CACNA1B: variants seen among roughly 807,000 people sequenced by gnomAD.
CACNA1B encodes the protein calcium voltage-gated channel subunit alpha1 B.
Under a neutral mutation model 247.2 loss-of-function variants are expected in CACNA1B, and 70 were observed. The observed-to-expected ratio is 0.28, with a 90% CI of 0.23 to 0.35. The LOEUF (loss-of-function observed/expected upper bound fraction) is 0.35. Ranked by LOEUF, CACNA1B falls within the 10% of genes least tolerant of loss-of-function variation. The probability of loss-of-function intolerance (pLI) is 1.00; values close to 1 mark genes in which losing one functional copy is unlikely to be tolerated. For synonymous variants in CACNA1B, 1,231 were observed against 1,294.4 expected (o/e 0.95, Z 1.05); for missense variants, 2,367 against 3,197.4 (o/e 0.74, Z 6.26).
chr9:138,024,862 G>A (rs1296832669), intron 19 of CACNA1B, 93 bp from the exon 20 acceptor site: 1 of 864,792 alleles, frequency 1.2e-6, no homozygotes, highest in African/African-American at 1.7e-5. Context: ...TTGAACTCCT[G>A]GGCTCAAGTG....
intron 40 of CACNA1B, 85 bp from the exon 41 acceptor site, chr9:138,114,293 C>T: frequency 1.4e-6 from 1 of 703,048 alleles, no homozygotes. Context: ...GGAGGGGCGG[C>T]TGTTTCCTCA....
intron 31 of CACNA1B, 105 bp from the exon 32 acceptor site, chr9:138,069,653 A>G: frequency 1.2e-6 from 1 of 820,292 alleles, no homozygotes; most frequent in Admixed American, 1.9e-5. Context: ...CCAACATACA[A>G]TGCGAAAACC....
In CACNA1B at chr9:138,050,077, G is replaced by A. The variant is rs1217809177; in HGVS notation, c.3710+762G>A. The A allele has an allele frequency of 1.2e-5, 16 of 1,289,660 alleles. No homozygotes were observed. Among genetic ancestry groups the A allele is most frequent in the Non-Finnish European group, 1.4e-5 (14 of 988,702 alleles). The allele number at this position is 1,289,660 out of a possible 1,614,324, so 79.9% of individuals were successfully genotyped here. A position where few individuals can be genotyped will look rare whatever the true frequency, so the allele number is the denominator to read the frequency against. ...CTTCCTCTTGCTGGACTCGGCAGGAGCTTCGTGGGGTAATGCCTTCTCTCC... is the reference window on the plus strand; with the variant it reads ...CTTCCTCTTGCTGGACTCGGCAGGAACTTCGTGGGGTAATGCCTTCTCTCC... On this transcript the variant is annotated intron_variant, in intron 24 of 46. Transcript: ENST00000371372. The surrounding 1 kb of genome is among the most constrained non-coding windows in gnomAD (Gnocchi z 5.2).
intron 32 of CACNA1B, among the ~76,000 whole-genome samples, chr9:138,071,607 G>A (rs974893383): frequency 6.6e-6 from 1 of 152,210 alleles, no homozygotes; most frequent in Non-Finnish European, 1.5e-5. Flanking sequence ...GAGAAGCCAG[G>A]AGGAAGGGGG....
Position 138,121,399 on chromosome 9 carries a change from CTCTG to C in CACNA1B, c.6490-64_6490-61del, listed in dbSNP as rs1157180381. On this transcript the variant is annotated intron_variant, in intron 46 of 46. Coordinates refer to ENST00000371372, the MANE Select transcript of CACNA1B (RefSeq NM_000718.4). The surrounding 1 kb of genome is among the most constrained non-coding windows in gnomAD (Gnocchi z 6.8). ...CCCCCAGGCACCTGTGTGTGATGTGCTCTGTCTGTTGGTTCGGCTTTTTTTTTTT... is the reference window on the plus strand; with the variant it reads ...CCCCCAGGCACCTGTGTGTGATGTGCTCTGTTGGTTCGGCTTTTTTTTTTT... 5.6e-6 allele frequency: 7 copies of C among 1,244,500 alleles called. No individual in the cohort carries two copies. The African/African-American group carries it at 7.6e-5, about 13-fold the overall frequency. The allele number at this position is 1,244,500 out of a possible 1,614,324, so 77.1% of individuals were successfully genotyped here. A position where few individuals can be genotyped will look rare whatever the true frequency, so the allele number is the denominator to read the frequency against.
intron 10 of CACNA1B, among the ~76,000 whole-genome samples, chr9:137,962,263 TCTCTC>T (rs959367645): frequency 6.6e-6 from 1 of 152,000 alleles, no homozygotes; most frequent in Non-Finnish European, 1.5e-5. Context: ...ATTTGAATCT[TCTCTC>T]TTCTCTTTTT....
intron 40 of CACNA1B, among the ~76,000 whole-genome samples, chr9:138,113,416 G>C (rs1961731235): frequency 6.6e-6 from 1 of 150,788 alleles, no homozygotes. Flanking sequence ...GGATACGTGA[G>C]GGAACACAAT....
chr9:138,068,535 G>A (rs966892446), intron 31 of CACNA1B: 3 of 512,890 alleles, frequency 5.8e-6, no homozygotes, highest in Non-Finnish European at 1.2e-5. Context: ...TCGCCCGGAA[G>A]CATTTAGTCC....
chr9:138,120,703 G>C lies in CACNA1B; in HGVS notation c.6311G>C (p.Arg2104Pro), dbSNP rs752741268. The C allele has an allele frequency of 6.6e-7, 1 of 1,520,548 alleles. No homozygotes were observed. The highest frequency in any genetic ancestry group is 1.3e-5 in the South Asian group (1 of 79,678). 94.2% of individuals were successfully genotyped at this position (1,520,548 alleles called of 1,614,324 possible). ...GPTGCRRERERRQERGRSQER... is the reference protein window; with the variant it reads ...GPTGCRREREPRQERGRSQER... ...ACAGGCTGCCGGCGGGAACGAGAGC[G>C]CCGGCAGGAGCGGGGCCGGTCCCAG... is the stretch of plus-strand genomic sequence containing the variant. Residue 2104 changes from arginine (R) to proline (P), a missense_variant, in exon 46 of 47, where the codon CGC (arginine) becomes CCC (proline). By Grantham distance (103) the Arg-to-Pro change is moderately radical. Coordinates refer to ENST00000371372, the MANE Select transcript of CACNA1B (RefSeq NM_000718.4).
chr9:137,955,607 C>T lies in CACNA1B; in HGVS notation c.1071-91C>T. 1 of 863,248 alleles carries T rather than the reference C, an allele frequency of 1.2e-6. No individual in the cohort carries two copies. Among genetic ancestry groups the T allele is most frequent in the East Asian group, 2.7e-5 (1 of 37,568 alleles). The allele number at this position is 863,248 out of a possible 1,614,324, so 53.5% of individuals were successfully genotyped here. On this transcript the variant is annotated intron_variant, in intron 7 of 46. Transcript: ENST00000371372. The surrounding 1 kb of genome is among the most constrained non-coding windows in gnomAD (Gnocchi z 6.9). ...AGCCTGCAGCCTGCGTCTCCTGTCC[C>T]AGGCTTTCCCTGGTCCTTTTTGTCT...
At position 137,952,523 on chromosome 9, in the gene CACNA1B, C is replaced by T. The variant is rs948883514; in HGVS notation, c.1070+146C>T. The stretch of plus-strand genomic sequence containing the variant: ...CCCCTGGTGTTCTGGGTTCTGGTAG[C>T]CCTTCCTTTGTGCCACCATCCTGAC... On this transcript the variant is annotated intron_variant, in intron 7 of 46. Coordinates refer to ENST00000371372, the MANE Select transcript of CACNA1B (RefSeq NM_000718.4). The surrounding 1 kb of genome is among the most constrained non-coding windows in gnomAD (Gnocchi z 4.8). 7 of 676,178 alleles carry T rather than the reference C, an allele frequency of 1.0e-5. No individual in the cohort carries two copies. In the African/African-American group the frequency reaches 1.1e-4, roughly 10 times the overall value. The allele number at this position is 676,178 out of a possible 1,614,324, so 41.9% of individuals were successfully genotyped here.
chr9:137,979,666 C>G (rs924913890), intron 12 of CACNA1B, among the ~76,000 whole-genome samples: 1 of 152,172 alleles, frequency 6.6e-6, no homozygotes, highest in Non-Finnish European at 1.5e-5. Context: ...TGTAAAACAC[C>G]TTCACCCTGC....
At position 138,073,421 on chromosome 9, in the gene CACNA1B, G is replaced by T. The variant is rs1226063466; in HGVS notation, c.4675-67G>T. 2.2e-5 allele frequency: 20 copies of T among 896,404 alleles called. No homozygotes were observed. The highest frequency in any genetic ancestry group is 3.5e-5 in the Admixed American group (2 of 57,848). The allele number at this position is 896,404 out of a possible 1,614,324, so 55.5% of individuals were successfully genotyped here. On this transcript the variant is annotated intron_variant, in intron 32 of 46. Coordinates refer to ENST00000371372, the MANE Select transcript of CACNA1B (RefSeq NM_000718.4). This position sits in a 1 kb window ranked among gnomAD's most constrained non-coding sequence, Gnocchi z 6.4. The stretch of plus-strand genomic sequence containing the variant: ...ACAGGGATGTGGGAAGAGGTTGTAG[G>T]GTGGCAGCAGCTTGCCTGCGCTTTC...
chr9:138,029,609 C>CT (rs11320503), intron 20 of CACNA1B, among the ~76,000 whole-genome samples: 5 of 115,812 alleles, frequency 4.3e-5, no homozygotes, highest in South Asian at 3.1e-4. Flanking sequence ...TTTTCTTTTC[C>CT]TTTTTTTTTT....
chr9:138,007,698 G>C lies in CACNA1B; in HGVS notation c.2092+814G>C, dbSNP rs1958670413. Among the ~76,000 whole-genome samples, 1 of 152,128 alleles carries C rather than the reference G, an allele frequency of 6.6e-6. No individual in the cohort carries two copies. The highest frequency in any genetic ancestry group is 2.4e-5 in the African/African-American group (1 of 41,400). ...AATGTGCATTCTCACAGGCTGCAGG[G>C]GGAGCCCGTGTTTCTGTTCTGGGGA... On this transcript the variant is annotated intron_variant, in intron 16 of 46. Coordinates refer to ENST00000371372, the MANE Select transcript of CACNA1B (RefSeq NM_000718.4). This position sits in a 1 kb window ranked among gnomAD's most constrained non-coding sequence, Gnocchi z 4.1.
At chr9:137,886,420 G>T (rs1957013487) in intron 3 of CACNA1B, among the ~76,000 whole-genome samples, 1 of 152,140 alleles carries the variant, frequency 6.6e-6, no homozygotes. Context: ...CCACCATCCT[G>T]CCCTCTGCTC....
intron 20 of CACNA1B, among the ~76,000 whole-genome samples, chr9:138,040,902 A>G (rs1299825661): frequency 1.3e-5 from 2 of 152,174 alleles, no homozygotes; most frequent in Non-Finnish European, 2.9e-5. Flanking sequence ...TTTCTCAACT[A>G]AGGTTTTGTG....
chr9:137,898,416 C>A (rs991885741), intron 3 of CACNA1B, among the ~76,000 whole-genome samples: 3 of 152,132 alleles, frequency 2.0e-5, no homozygotes, highest in Non-Finnish European at 2.9e-5. Flanking sequence ...GTCCTGCCTT[C>A]ATTCTCCTTT....
intron 21 of CACNA1B, among the ~76,000 whole-genome samples, 197 bp from the exon 22 acceptor site, chr9:138,046,707 C>T (rs913315617): frequency 6.6e-6 from 1 of 152,266 alleles, no homozygotes; most frequent in Admixed American, 6.5e-5. Context: ...GGGAGGCCCT[C>T]TCAGGAATCT....
Sources: gnomAD v4.1 joint callset for allele counts (sites outside exome capture counted in the v4.1 genomes callset) on GRCh38, gnomAD v4.1.1 for gene constraint, Gnocchi (gnomAD v3.1) non-coding constraint, MANE v1.5 for transcripts, NCBI Gene and HGNC (gene_info 2026-07-23, HGNC 2026-07-21) for gene names.